The following MCPH1 variants were observed in gnomAD, a reference collection of about 807,000 sequenced individuals.
MCPH1 encodes the protein microcephalin.
Under a neutral mutation model 84.5 loss-of-function variants are expected in MCPH1, and 104 were observed. The observed-to-expected ratio is 1.23, with a 90% CI of 1.05 to 1.45. The LOEUF is 1.45. MCPH1 is among the 40% of genes most tolerant of loss of function. The pLI, the probability that MCPH1 is intolerant of heterozygous loss-of-function variation, is 0.00. For missense variants in MCPH1, 1,498 were observed against 1,005.7 expected (o/e 1.49, Z -6.62); for synonymous variants, 514 against 366.8 (o/e 1.40, Z -4.58).
intron 12 of MCPH1, among the ~76,000 whole-genome samples, chr8:6,590,933 C>T (rs1828406571): frequency 6.6e-6 from 1 of 152,200 alleles, no homozygotes; most frequent in Admixed American, 6.5e-5. Flanking sequence ...TGGAATTTTG[C>T]TCTTGTTGCC....
chr8:6,600,141 T>G (rs1563171880), intron 12 of MCPH1, among the ~76,000 whole-genome samples: 1 of 152,252 alleles, frequency 6.6e-6, no homozygotes, highest in Non-Finnish European at 1.5e-5. Flanking sequence ...CAGGTTGGAA[T>G]TTCTTGTCCT....
At chr8:6,460,439 C>A (rs139170255) in intron 9 of MCPH1, among the ~76,000 whole-genome samples, 1 of 151,906 alleles carries the variant, frequency 6.6e-6, no homozygotes, top group Admixed American at 6.6e-5. Flanking sequence ...TGGTCTCGAA[C>A]GCCTGGTCTC....
At chr8:6,407,431 C>G (rs1341176188) in intron 1 of MCPH1, among the ~76,000 whole-genome samples, 6 of 152,096 alleles carry the variant, frequency 3.9e-5, no homozygotes, top group Non-Finnish European at 8.8e-5. Flanking sequence ...CTGACAGGGC[C>G]TTAGACCGGA....
chr8:6,523,112 C>T (rs1817673740), intron 12 of MCPH1, among the ~76,000 whole-genome samples: 1 of 152,040 alleles, frequency 6.6e-6, no homozygotes, highest in African/African-American at 2.4e-5. Flanking sequence ...ATTCTCCTGC[C>T]TCAGTCTCCC....
In MCPH1 at chr8:6,421,533, G is replaced by C. The variant is rs147353249; in HGVS notation, c.233+6650G>C. Among the ~76,000 whole-genome samples, 540 of 150,982 alleles carry C rather than the reference G, an allele frequency of 3.6e-3. 5 individuals carry two copies. The highest frequency in any genetic ancestry group is 0.01 in the Admixed American group (157 of 15,190). ...TTTTTTTTAATGGCCCATGAGGTAA[G>C]AATGGTTAAGAGAAAAAAAAAATTC... is the stretch of plus-strand genomic sequence containing the variant. On this transcript the variant is annotated intron_variant, in intron 3 of 13. Coordinates refer to ENST00000344683, the MANE Select transcript of MCPH1 (RefSeq NM_024596.5).
intron 12 of MCPH1, among the ~76,000 whole-genome samples, chr8:6,543,249 C>G (rs900303564): frequency 6.6e-6 from 1 of 152,168 alleles, no homozygotes; most frequent in South Asian, 2.1e-4. Flanking sequence ...GAAGACTCAG[C>G]GGGAACACAA....
intron 12 of MCPH1, among the ~76,000 whole-genome samples, chr8:6,547,172 C>G (rs996288094): frequency 6.6e-6 from 1 of 151,978 alleles, no homozygotes; most frequent in African/African-American, 2.4e-5. Context: ...ACCATCCTCA[C>G]TTGCTCTAAG....
Position 6,455,333 on chromosome 8 carries a change from C to G in MCPH1, c.1935+81C>G, listed in dbSNP as rs1805560972. ...CTTCTCTGGGTCAATGAAACATAAA[C>G]CAGTCTATCTGACTTGTCTTTTATT... On this transcript the variant is annotated intron_variant, in intron 9 of 13. Transcript: ENST00000344683. 7.0e-6 allele frequency: 7 copies of G among 999,202 alleles called. No homozygotes were observed. In the South Asian group the frequency reaches 7.8e-5, roughly 11 times the overall value. The allele number at this position is 999,202 out of a possible 1,614,324, so 61.9% of individuals were successfully genotyped here.
At chr8:6,504,205 C>G (rs891039704) in intron 12 of MCPH1, among the ~76,000 whole-genome samples, 2 of 150,276 alleles carry the variant, frequency 1.3e-5, no homozygotes, top group African/African-American at 4.9e-5. Context: ...GTAGTCCCAG[C>G]TACTCGGGAG....
At chr8:6,483,998 A>C (rs1225496298) in intron 11 of MCPH1, among the ~76,000 whole-genome samples, 1 of 152,244 alleles carries the variant, frequency 6.6e-6, no homozygotes, top group African/African-American at 2.4e-5. Flanking sequence ...TAAACATACA[A>C]GAAAAATGAT....
At chr8:6,616,285 C>T (rs766477491) in intron 12 of MCPH1, 2 of 152,150 alleles carry the variant, frequency 1.3e-5, no homozygotes, top group Admixed American at 1.3e-4. Flanking sequence ...AAAGCGAATG[C>T]ACTAATTGAA....
At chr8:6,407,157 G>A (rs925605766) in intron 1 of MCPH1, 3 of 226,188 alleles carry the variant, frequency 1.3e-5, no homozygotes, top group Non-Finnish European at 2.7e-5. Flanking sequence ...CCGGAAGTTG[G>A]TGTGGGGCCC....
chr8:6,544,674 C>G (rs1822226101), intron 12 of MCPH1, among the ~76,000 whole-genome samples: 1 of 152,064 alleles, frequency 6.6e-6, no homozygotes, highest in African/African-American at 2.4e-5. Context: ...TATAGGATTC[C>G]TCATTCTAAA....
At chr8:6,564,635 T>C (rs1825994019) in intron 12 of MCPH1, among the ~76,000 whole-genome samples, 1 of 152,232 alleles carries the variant, frequency 6.6e-6, no homozygotes, top group Non-Finnish European at 1.5e-5. Flanking sequence ...GCTGAATAGC[T>C]GGTACACTGA....
chr8:6,416,946 A>T (rs985524936), intron 3 of MCPH1, among the ~76,000 whole-genome samples: 6 of 151,866 alleles, frequency 4.0e-5, no homozygotes, highest in Non-Finnish European at 8.8e-5. Flanking sequence ...GTGAACCAAG[A>T]CCACGCCATT....
chr8:6,566,955 G>T, intron 12 of MCPH1, among the ~76,000 whole-genome samples: 1 of 147,936 alleles, frequency 6.8e-6, no homozygotes, highest in South Asian at 2.2e-4. Context: ...TGTGTGATCG[G>T]CAAGGCCATG....
intron 12 of MCPH1, among the ~76,000 whole-genome samples, chr8:6,505,037 G>C (rs1167962057): frequency 6.6e-6 from 1 of 151,318 alleles, no homozygotes; most frequent in Non-Finnish European, 1.5e-5. Flanking sequence ...AATTATGATT[G>C]ATATCTCCAT....
At chr8:6,457,755 C>T (rs1805857146) in intron 9 of MCPH1, among the ~76,000 whole-genome samples, 1 of 152,180 alleles carries the variant, frequency 6.6e-6, no homozygotes, top group South Asian at 2.1e-4. Flanking sequence ...TGCGTCTCGC[C>T]AATAGCAGAA....
intron 12 of MCPH1, among the ~76,000 whole-genome samples, chr8:6,553,439 T>A (rs901513129): frequency 6.6e-6 from 1 of 152,152 alleles, no homozygotes; most frequent in Non-Finnish European, 1.5e-5. Context: ...GGAGAATAAC[T>A]TCAGAGGCTT....
Sources: gnomAD v4.1 joint callset for allele counts (sites outside exome capture counted in the v4.1 genomes callset) on GRCh38, gnomAD v4.1.1 for gene constraint, MANE v1.5 for transcripts, NCBI Gene and HGNC (gene_info 2026-07-23, HGNC 2026-07-21) for gene names.